Variants in DCAKD observed in about 807,000 individuals in gnomAD.
DCAKD encodes dephospho-CoA kinase domain containing.
A neutral mutation model predicts 18.7 loss-of-function variants in DCAKD; 15 were observed. That is an observed-to-expected ratio of 0.80 (90% CI 0.54 to 1.24). The LOEUF (loss-of-function observed/expected upper bound fraction) is 1.24, where lower values mean the gene tolerates loss of function less well. Among genes scored for constraint, DCAKD ranks in the 50% most tolerant of loss-of-function variants. The pLI is 0.00. For synonymous variants in DCAKD, 130 were observed against 133.0 expected (o/e 0.98, Z 0.16); for missense variants, 301 against 322.0 (o/e 0.93, Z 0.50).
intron 1 of DCAKD, among the ~76,000 whole-genome samples, chr17:45,043,279 AT>A (rs1434138530): frequency 6.6e-6 from 1 of 152,024 alleles, no homozygotes; most frequent in Non-Finnish European, 1.5e-5. Context: ...AAGATCTGTA[AT>A]GACTACTCAT....
rs370351256 is a variant in DCAKD at position 45,041,129 on chromosome 17, A to T, written c.-114-6130T>A. Among the ~76,000 whole-genome samples the T allele has an allele frequency of 5.6e-4, 85 of 152,082 alleles. 1 individual carries two copies. In the East Asian group the frequency reaches 0.013, roughly 23 times the overall value. ...GGCCTGGCTTCTCCCCAAGGTAGCCAGGGTCATGGCTTAAAGGAGTCATCT... is the reference window on the plus strand; with the variant it reads ...GGCCTGGCTTCTCCCCAAGGTAGCCTGGGTCATGGCTTAAAGGAGTCATCT... On this transcript the variant is annotated intron_variant, in intron 1 of 4. Transcript: ENST00000651974.
chr17:45,059,023 G>A lies in DCAKD; in HGVS notation c.-118+1865C>T, dbSNP rs370503327. Among the ~76,000 whole-genome samples the A allele has an allele frequency of 1.3e-3, 201 of 152,148 alleles. 1 individual carries two copies. The highest frequency in any genetic ancestry group is 4.3e-3 in the African/African-American group (179 of 41,534). ...TGGGAGGCCGAGGCGGGCAGATCACGAGGTCAGGAGATCGAGCCCACCCTG... is the reference window on the plus strand; with the variant it reads ...TGGGAGGCCGAGGCGGGCAGATCACAAGGTCAGGAGATCGAGCCCACCCTG... On this transcript the variant is annotated intron_variant, in intron 1 of 4. Coordinates refer to the DCAKD transcript ENST00000310604.
At chr17:45,030,240 A>T in intron 3 of DCAKD, 61 bp from the exon 4 acceptor site, 3 of 1,493,486 alleles carry the variant, frequency 2.0e-6, no homozygotes, top group South Asian at 2.3e-5. Flanking sequence ...AGGACTGATG[A>T]TATGCTGGGC....
At chr17:45,043,226 A>G (rs913100625) in intron 1 of DCAKD, among the ~76,000 whole-genome samples, 1 of 151,752 alleles carries the variant, frequency 6.6e-6, no homozygotes, top group Non-Finnish European at 1.5e-5. Context: ...ACTGCACTCC[A>G]GCCTGGGTGA....
intron 2 of DCAKD, 58 bp from the exon 3 acceptor site, chr17:45,034,448 C>T (rs2053244334): frequency 1.3e-6 from 2 of 1,586,786 alleles, no homozygotes; most frequent in African/African-American, 2.7e-5. Context: ...AGTCAGAGGA[C>T]CTCAGTGACC....
At chr17:45,037,616 G>A (rs2053332091) in intron 1 of DCAKD, among the ~76,000 whole-genome samples, 1 of 151,954 alleles carries the variant, frequency 6.6e-6, no homozygotes, top group African/African-American at 2.4e-5. Context: ...CCGTCACCAT[G>A]CCCAGCTAAT....
chr17:45,025,801 G>T (rs529703832), intron 4 of DCAKD, among the ~76,000 whole-genome samples: 2 of 147,854 alleles, frequency 1.4e-5, no homozygotes, highest in African/African-American at 5.0e-5. Context: ...GCCCAGGCTG[G>T]AGTGCAGTGG....
Position 45,024,103 on chromosome 17 carries a change from C to T in DCAKD, c.*330G>A, listed in dbSNP as rs967467578. The T allele has an allele frequency of 1.1e-5, 3 of 266,618 alleles. No individual in the cohort carries two copies. Among genetic ancestry groups the T allele is most frequent in the African/African-American group, 6.3e-5 (3 of 47,474 alleles). The allele number at this position is 266,618 out of a possible 1,614,324, so 16.5% of individuals were successfully genotyped here. ...GGGCCACAGAGCCAGTATTCCCTAC[C>T]CCCACCCACAGAAATGTATAGCAGT... On this transcript the variant is annotated 3_prime_UTR_variant, in exon 5 of 5. Transcript: ENST00000651974.
At chr17:45,025,900 C>T (rs982107731) in intron 4 of DCAKD, among the ~76,000 whole-genome samples, 6 of 151,464 alleles carry the variant, frequency 4.0e-5, no homozygotes, top group East Asian at 1.9e-4. Context: ...TACTGGCATG[C>T]GCCACTAAGC....
At chr17:45,036,403 C>A (rs969991126) in intron 1 of DCAKD, among the ~76,000 whole-genome samples, 3 of 152,270 alleles carry the variant, frequency 2.0e-5, no homozygotes, top group South Asian at 4.1e-4. Flanking sequence ...GCAGTCCCAG[C>A]TACTCGGGAG....
chr17:45,026,304 T>C (rs888370210), intron 4 of DCAKD, among the ~76,000 whole-genome samples: 23 of 147,332 alleles, frequency 1.6e-4, no homozygotes, highest in Non-Finnish European at 2.4e-4. Flanking sequence ...CTCGGCTCAC[T>C]GCAACCTCCG....
intron 1 of DCAKD, among the ~76,000 whole-genome samples, chr17:45,046,477 G>A (rs1220561720): frequency 2.0e-5 from 3 of 152,008 alleles, no homozygotes; most frequent in Non-Finnish European, 2.9e-5. Context: ...TTAGCCAGGC[G>A]TGGTGGTGCG....
At chr17:45,026,514 C>G (rs1031168239) in intron 4 of DCAKD, 1 of 774,522 alleles carries the variant, frequency 1.3e-6, no homozygotes, top group East Asian at 1.3e-4. Flanking sequence ...TGTGAGCCAC[C>G]GCGCCTGGCT....
chr17:45,033,152 T>A (rs889782150), intron 3 of DCAKD, among the ~76,000 whole-genome samples: 2 of 152,074 alleles, frequency 1.3e-5, no homozygotes, highest in Admixed American at 1.3e-4. Flanking sequence ...TTGAGACCAC[T>A]TTGGCCAGCA....
rs780649662 is a variant in DCAKD at position 45,034,213 on chromosome 17, T to TTCATCATC, written c.282_289dup (p.Lys97ArgfsTer2). ...CCGGAGGAAGTACTTGAACGTCTCCTTCATCATCTCCTTGCGAATCTCGGG... is the reference window on the plus strand; with the variant it reads ...CCGGAGGAAGTACTTGAACGTCTCCTTCATCATCTCATCATCTCCTTGCGAATCTCGGG... On this transcript the variant is annotated stop_gained and frameshift_variant, in exon 3 of 5. Transcript: ENST00000651974. LOFTEE classifies it high-confidence loss of function. 2.5e-6 allele frequency: 4 copies of TTCATCATC among 1,613,544 alleles called. No homozygotes were observed. In the African/African-American group the frequency reaches 5.3e-5, roughly 22 times the overall value.
chr17:45,050,272 A>C (rs139677259), intron 1 of DCAKD, among the ~76,000 whole-genome samples: 2 of 151,696 alleles, frequency 1.3e-5, no homozygotes, highest in East Asian at 3.9e-4. Context: ...TCGAACTCCT[A>C]ACCTCGGGTG....
chr17:45,043,468 G>T (rs1271896447), intron 1 of DCAKD, among the ~76,000 whole-genome samples: 1 of 152,170 alleles, frequency 6.6e-6, no homozygotes, highest in African/African-American at 2.4e-5. Flanking sequence ...GTAAGCCAAG[G>T]CCATGGTGCC....
chr17:45,031,898 A>C (rs370548544), intron 3 of DCAKD: 1 of 985,434 alleles, frequency 1.0e-6, no homozygotes, highest in South Asian at 4.7e-5. Context: ...TATACTCATC[A>C]GGGAAAAACT....
intron 1 of DCAKD, among the ~76,000 whole-genome samples, chr17:45,040,809 T>C (rs9915259): frequency 0.23 from 34,480 of 151,984 alleles, 4,136 homozygotes; most frequent in Admixed American, 0.33. Flanking sequence ...TCAGATTCTA[T>C]TGTGCTCCAC....
Sources: allele counts gnomAD v4.1 joint callset (sites outside exome capture counted in the v4.1 genomes callset), GRCh38; gene constraint gnomAD v4.1.1; transcripts MANE v1.5; gene names NCBI Gene and HGNC (gene_info 2026-07-23, HGNC 2026-07-21).